Variants in KIF3A observed in about 807,000 individuals in gnomAD.
KIF3A encodes kinesin family member 3A.
KIF3A carries 27 observed loss-of-function variants against 92.6 expected under a neutral mutation model. The ratio of observed to expected loss-of-function variants is 0.29; its 90% CI spans 0.21 to 0.40. The LOEUF (loss-of-function observed/expected upper bound fraction) is 0.40. Ranked by LOEUF, KIF3A falls within the 10% of genes least tolerant of loss-of-function variation. The pLI, the probability that KIF3A is intolerant of heterozygous loss-of-function variation, is 1.00. For synonymous variants in KIF3A, 250 were observed against 275.4 expected (o/e 0.91, Z 0.92); for missense variants, 581 against 872.6 (o/e 0.67, Z 4.21).
At chr5:132,712,184 G>A (rs1052179893) in intron 8 of KIF3A, among the ~76,000 whole-genome samples, 2 of 152,142 alleles carry the variant, frequency 1.3e-5, no homozygotes, top group Non-Finnish European at 2.9e-5. Flanking sequence ...CCAAAACTGG[G>A]TTTCTAAATA....
intron 4 of KIF3A, among the ~76,000 whole-genome samples, chr5:132,721,805 A>G (rs886631119): frequency 6.6e-6 from 1 of 152,016 alleles, no homozygotes; most frequent in Non-Finnish European, 1.5e-5. Context: ...GGTGGCACTG[A>G]GGCGGCCACT....
intron 8 of KIF3A, among the ~76,000 whole-genome samples, chr5:132,713,607 T>C (rs1045500349): frequency 2.3e-4 from 35 of 151,074 alleles, no homozygotes; most frequent in African/African-American, 8.2e-4. Flanking sequence ...AATCCAGCAA[T>C]TCCATTGCTG....
At chr5:132,712,063 G>C (rs564655544) in intron 8 of KIF3A, among the ~76,000 whole-genome samples, 1 of 152,284 alleles carries the variant, frequency 6.6e-6, no homozygotes, top group African/African-American at 2.4e-5. Context: ...GTACCTGTAA[G>C]TACAAGATGG....
At chr5:132,715,388 ATAGT>A (rs1191510123) in intron 8 of KIF3A, among the ~76,000 whole-genome samples, 1 of 152,212 alleles carries the variant, frequency 6.6e-6, no homozygotes, top group Non-Finnish European at 1.5e-5. Flanking sequence ...ACTTCAAACA[ATAGT>A]TAGTTGATAT....
intron 4 of KIF3A, among the ~76,000 whole-genome samples, chr5:132,722,079 T>C (rs1358648119): frequency 6.6e-6 from 1 of 152,238 alleles, no homozygotes; most frequent in African/African-American, 2.4e-5. Flanking sequence ...CAAATTGCTA[T>C]GGAAGTTTTT....
At chr5:132,722,290 A>G (rs186632254) in intron 4 of KIF3A, among the ~76,000 whole-genome samples, 2 of 152,364 alleles carry the variant, frequency 1.3e-5, no homozygotes, top group Non-Finnish European at 2.9e-5. Flanking sequence ...AATGTGTGAA[A>G]GTTAAAAAAC....
chr5:132,700,738 T>A, intron 15 of KIF3A, 38 bp from the exon 16 acceptor site: 1 of 1,277,466 alleles, frequency 7.8e-7, no homozygotes, highest in Non-Finnish European at 1.1e-6. Flanking sequence ...TTTTAATATT[T>A]AATAACATCT....
At position 132,693,653 on chromosome 5, in the gene KIF3A, G is replaced by C. The variant is rs1752734137; in HGVS notation, c.*2981C>G. 1 of 152,746 alleles carries C rather than the reference G, an allele frequency of 6.5e-6. No individual in the cohort carries two copies. Among genetic ancestry groups the C allele is most frequent in the Non-Finnish European group, 1.5e-5 (1 of 68,052 alleles). The allele number at this position is 152,746 out of a possible 1,614,324, so 9.5% of individuals were successfully genotyped here. The stretch of plus-strand genomic sequence containing the variant: ...TGACTGGAGCTAAATGAATAGCTCT[G>C]AAGTCAGTGTCCCATATTTGCATAT... On this transcript the variant is annotated 3_prime_UTR_variant, in exon 19 of 19. Transcript: ENST00000403231.
At chr5:132,690,001 C>T (rs1480818725), downstream of KIF3A, among the ~76,000 whole-genome samples, 1 of 152,150 alleles carries the variant, frequency 6.6e-6, no homozygotes, top group Non-Finnish European at 1.5e-5. Context: ...AGGCAGATCA[C>T]GAGGTCAGAA....
At position 132,711,039 on chromosome 5, in the gene KIF3A, G is replaced by C. The variant is rs765796871; in HGVS notation, c.1148C>G (p.Ser383Cys). The change falls in exon 9 of 19, where the codon TCT (serine) becomes TGT (cysteine). Residue 383 changes from serine (S) to cysteine (C), a missense_variant. This residue lies in a region of KIF3A where 167 missense variants were observed against 205.8 expected (regional missense o/e 0.81). Transcript: ENST00000403231. Reference protein sequence around the residue: ...KLEEGEEISGSDISGSEEDDD... With the variant: ...KLEEGEEISGCDISGSEEDDD... ...ATCTTCCTCTGACCCACTGATATCA[G>C]AGCCTGATATTTCTTCTCCTTGGAC... 2 of 1,611,280 alleles carry C rather than the reference G, an allele frequency of 1.2e-6. No homozygotes were observed. Among genetic ancestry groups the C allele is most frequent in the Non-Finnish European group, 1.7e-6 (2 of 1,177,658 alleles).
chr5:132,696,595 A>C lies in KIF3A; in HGVS notation c.*39T>G, dbSNP rs1384793999. On this transcript the variant is annotated 3_prime_UTR_variant, in exon 19 of 19. Transcript: ENST00000403231. ...TTAAAGATTTTGTCCAGGCATGAGA[A>C]TATCACTAATTTTTATTGTGACTTT... is the stretch of plus-strand genomic sequence containing the variant. The C allele has an allele frequency of 3.1e-6, 4 of 1,291,478 alleles. No individual in the cohort carries two copies. Among genetic ancestry groups the C allele is most frequent in the Non-Finnish European group, 4.5e-6 (4 of 891,208 alleles). The allele number at this position is 1,291,478 out of a possible 1,614,324, so 80.0% of individuals were successfully genotyped here. A position where few individuals can be genotyped will look rare whatever the true frequency, so the allele number is the denominator to read the frequency against.
intron 4 of KIF3A, among the ~76,000 whole-genome samples, chr5:132,724,110 A>G (rs1159882741): frequency 6.6e-6 from 1 of 152,222 alleles, no homozygotes; most frequent in African/African-American, 2.4e-5. Flanking sequence ...ATATCATCTC[A>G]CACCAATTAG....
At chr5:132,732,458 T>C (rs1057407393) in intron 2 of KIF3A, among the ~76,000 whole-genome samples, 1 of 152,210 alleles carries the variant, frequency 6.6e-6, no homozygotes, top group Non-Finnish European at 1.5e-5. Context: ...GATATATCTA[T>C]ACAATATTAT....
intron 2 of KIF3A, among the ~76,000 whole-genome samples, chr5:132,731,241 C>T (rs924355731): frequency 3.9e-5 from 6 of 152,218 alleles, no homozygotes; most frequent in African/African-American, 1.4e-4. Flanking sequence ...TATATACTTA[C>T]ATCCCTCATG....
chr5:132,736,879 C>T (rs1754406049), intron 1 of KIF3A: 2 of 379,616 alleles, frequency 5.3e-6, no homozygotes, highest in Admixed American at 3.8e-5. Context: ...AACATAACAC[C>T]GCCACACACA....
chr5:132,729,293 TA>T (rs1219187683), intron 2 of KIF3A, among the ~76,000 whole-genome samples: 4 of 150,996 alleles, frequency 2.6e-5, no homozygotes, highest in East Asian at 3.9e-4. Context: ...AAACTAAATT[TA>T]AAAAAAAATT....
At chr5:132,690,410 G>GCTAGAT (rs1554104040), downstream of KIF3A, among the ~76,000 whole-genome samples, 18 of 151,920 alleles carry the variant, frequency 1.2e-4, no homozygotes, top group South Asian at 2.5e-3. Flanking sequence ...AGTCATTTGA[G>GCTAGAT]ACACAAAATT....
intron 4 of KIF3A, among the ~76,000 whole-genome samples, chr5:132,722,257 T>A (rs1019416582): frequency 3.3e-5 from 5 of 152,066 alleles, no homozygotes; most frequent in African/African-American, 1.2e-4. Flanking sequence ...ATATGAAAGA[T>A]GAAGAAAGAA....
chr5:132,726,513 G>A lies in KIF3A; in HGVS notation c.281-15C>T. 6.2e-7 allele frequency: 1 copy of A among 1,609,952 alleles called. No individual in the cohort carries two copies. Among genetic ancestry groups the A allele is most frequent in the Non-Finnish European group, 8.5e-7 (1 of 1,176,792 alleles). On this transcript the variant is annotated splice_polypyrimidine_tract_variant and intron_variant, in intron 2 of 18. Transcript: ENST00000403231. ...AAAAATAGTCCCTGAAAATGATGAAGAGAATCAGTTACTTCTTAAAGTCTA... is the reference window on the plus strand; with the variant it reads ...AAAAATAGTCCCTGAAAATGATGAAAAGAATCAGTTACTTCTTAAAGTCTA...
Sources: gnomAD v4.1 joint callset for allele counts (sites outside exome capture counted in the v4.1 genomes callset) on GRCh38, gnomAD v4.1.1 for gene constraint, gnomAD v4.1.1 regional missense constraint, MANE v1.5 for transcripts, NCBI Gene and HGNC (gene_info 2026-07-23, HGNC 2026-07-21) for gene names.